Variants in UGGT2 observed in about 807,000 individuals in gnomAD.
UGGT2 encodes the protein UDP-glucose glycoprotein glucosyltransferase 2, also known as UDP-glucose:glycoprotein glucosyltransferase 2.
UGGT2 carries 180 observed loss-of-function variants against 192.1 expected under a neutral mutation model. The observed-to-expected ratio is 0.94, with a 90% CI of 0.83 to 1.06. UGGT2 has a LOEUF of 1.06. Ranked by LOEUF, UGGT2 falls within the 50% of genes least tolerant of loss-of-function variation. The pLI is 0.00. For missense variants in UGGT2, 1,849 were observed against 1,795.7 expected, an observed-to-expected ratio of 1.03 and a Z score of -0.54; for synonymous variants, 580 against 591.0, an observed-to-expected ratio of 0.98 and a Z score of 0.27.
chr13:95,921,769 C>CA (rs1206445226), intron 20 of UGGT2, among the ~76,000 whole-genome samples: 4 of 151,856 alleles, frequency 2.6e-5, no homozygotes, highest in South Asian at 2.1e-4. Flanking sequence ...ATTAAAAAGT[C>CA]AAAAAAATAA....
chr13:95,984,649 T>C (rs1207279387), intron 9 of UGGT2, among the ~76,000 whole-genome samples: 1 of 152,198 alleles, frequency 6.6e-6, no homozygotes, highest in Non-Finnish European at 1.5e-5. Flanking sequence ...TTGAAGAGTT[T>C]ATAATTCACT....
intron 1 of UGGT2, among the ~76,000 whole-genome samples, chr13:96,041,453 C>G (rs532345201): frequency 2.0e-5 from 3 of 152,316 alleles, no homozygotes; most frequent in Admixed American, 2.0e-4. Context: ...AAACCTCCAG[C>G]TGAACCTTGT....
chr13:96,027,674 G>T (rs1184748316), intron 2 of UGGT2, among the ~76,000 whole-genome samples: 1 of 152,156 alleles, frequency 6.6e-6, no homozygotes, highest in Non-Finnish European at 1.5e-5. Context: ...GGACATTTTG[G>T]GGGTGGTTGG....
At chr13:95,933,677 T>G (rs1364129653) in intron 17 of UGGT2, among the ~76,000 whole-genome samples, 1 of 128,984 alleles carries the variant, frequency 7.8e-6, no homozygotes, top group Non-Finnish European at 1.8e-5. Flanking sequence ...GTTCTAAATT[T>G]TTTTGTTTTT....
At chr13:95,873,413 T>C (rs1212896794) in intron 29 of UGGT2, among the ~76,000 whole-genome samples, 1 of 152,192 alleles carries the variant, frequency 6.6e-6, no homozygotes, top group Non-Finnish European at 1.5e-5. Flanking sequence ...CAAGGTAGCA[T>C]AGGTTGCTGC....
chr13:95,904,665 T>C (rs565406000), intron 20 of UGGT2, among the ~76,000 whole-genome samples: 11 of 152,114 alleles, frequency 7.2e-5, no homozygotes, highest in Non-Finnish European at 1.5e-4. Context: ...ATGGTGTATA[T>C]GTGCCACATT....
chr13:95,987,616 A>C (rs1393030184), intron 8 of UGGT2, among the ~76,000 whole-genome samples: 1 of 152,184 alleles, frequency 6.6e-6, no homozygotes, highest in Non-Finnish European at 1.5e-5. Flanking sequence ...TGGATTTAGG[A>C]ATATAAGCTC....
At chr13:95,831,282 T>TA (rs1044712559) in intron 38 of UGGT2, among the ~76,000 whole-genome samples, 6 of 151,382 alleles carry the variant, frequency 4.0e-5, no homozygotes, top group Admixed American at 6.6e-5. Context: ...ATAATAATAA[T>TA]AAAAAAAAAT....
intron 38 of UGGT2, among the ~76,000 whole-genome samples, chr13:95,808,696 T>A (rs1884435429): frequency 6.6e-6 from 1 of 152,206 alleles, no homozygotes; most frequent in African/African-American, 2.4e-5. Flanking sequence ...CGTACCAATA[T>A]CTTCACATGT....
chr13:95,880,701 G>T (rs543830448), intron 27 of UGGT2, among the ~76,000 whole-genome samples: 10 of 152,112 alleles, frequency 6.6e-5, no homozygotes, highest in Non-Finnish European at 1.5e-4. Flanking sequence ...ATAAAATCTC[G>T]CATGACAGTG....
intron 1 of UGGT2, among the ~76,000 whole-genome samples, 178 bp downstream of exon 1, chr13:96,052,977 G>A (rs76983898): frequency 1.3e-5 from 2 of 152,224 alleles, no homozygotes; most frequent in South Asian, 4.1e-4. Context: ...AGTGCTGCAC[G>A]GGAACCGAGA....
chr13:95,991,247 G>A (rs560490558), intron 7 of UGGT2: 2 of 263,070 alleles, frequency 7.6e-6, no homozygotes, highest in Non-Finnish European at 1.6e-5. Flanking sequence ...CCAGTAATGG[G>A]CATTGCTGGG....
At chr13:95,948,151 A>G in intron 13 of UGGT2, 70 bp from the exon 14 acceptor site, 1 of 1,267,218 alleles carries the variant, frequency 7.9e-7, no homozygotes, top group Non-Finnish European at 1.1e-6. Flanking sequence ...GTTTAGACTA[A>G]TTTTTGTGAC....
At chr13:95,894,683 T>C in intron 23 of UGGT2, 26 bp from the exon 24 acceptor site, 2 of 1,579,890 alleles carry the variant, frequency 1.3e-6, no homozygotes, top group South Asian at 2.3e-5. Flanking sequence ...AAACAGTGTA[T>C]GAGTTTTTTG....
At chr13:96,048,861 G>T (rs1317254424) in intron 1 of UGGT2, among the ~76,000 whole-genome samples, 2 of 152,062 alleles carry the variant, frequency 1.3e-5, no homozygotes, top group Non-Finnish European at 2.9e-5. Flanking sequence ...AACAAAAAAA[G>T]TCCAGGACCA....
intron 20 of UGGT2, among the ~76,000 whole-genome samples, chr13:95,912,454 G>A (rs956145395): frequency 7.6e-6 from 1 of 131,678 alleles, no homozygotes; most frequent in African/African-American, 3.4e-5. Context: ...CAGACAAAGA[G>A]AGAGCCAAAT....
intron 5 of UGGT2, among the ~76,000 whole-genome samples, chr13:96,012,363 G>A (rs529100979): frequency 1.8e-4 from 28 of 151,896 alleles, no homozygotes; most frequent in Non-Finnish European, 2.9e-4. Context: ...CAGCATAAAG[G>A]AAATCGTTCA....
rs190094911 is a variant in UGGT2 at position 96,007,233 on chromosome 13, C to T, written c.660+6074G>A. Among the ~76,000 whole-genome samples, 3 of 152,178 alleles carry T rather than the reference C, an allele frequency of 2.0e-5. No homozygotes were observed. The East Asian group carries it at 5.8e-4, about 29-fold the overall frequency. The stretch of plus-strand genomic sequence containing the variant: ...AAATATGTGCTGAAAAGGCATTTGA[C>T]AAAATTCAACATCTCTTTCTGACAA... On this transcript the variant is annotated intron_variant, in intron 5 of 38. Transcript: ENST00000376747.
In UGGT2 at chr13:96,019,782, G is replaced by A. The variant is rs988038305; in HGVS notation, c.485+3258C>T. ...TGAATGTATTATATTTAACCAAGGG[G>A]TCAGATTTTGTTCAGGGAGAGGATG... On this transcript the variant is annotated intron_variant, in intron 4 of 38. Coordinates refer to ENST00000376747, the MANE Select transcript of UGGT2 (RefSeq NM_020121.4). Among the ~76,000 whole-genome samples, 10 of 152,294 alleles carry A rather than the reference G, an allele frequency of 6.6e-5. No homozygotes were observed. The East Asian group carries it at 1.9e-3, about 29-fold the overall frequency.
Sources: gnomAD v4.1 joint callset for allele counts (sites outside exome capture counted in the v4.1 genomes callset) on GRCh38, gnomAD v4.1.1 for gene constraint, MANE v1.5 for transcripts, NCBI Gene and HGNC (gene_info 2026-07-23, HGNC 2026-07-21) for gene names.